The following HNF4G variants were observed in gnomAD, a reference collection of about 807,000 sequenced individuals.
HNF4G encodes hepatocyte nuclear factor 4-gamma.
A neutral mutation model predicts 50.9 loss-of-function variants in HNF4G; 21 were observed. The ratio of observed to expected loss-of-function variants is 0.41; its 90% CI spans 0.29 to 0.59. The LOEUF (loss-of-function observed/expected upper bound fraction) is 0.59, where lower values mean the gene tolerates loss of function less well. HNF4G is among the 20% of genes least tolerant of loss of function. HNF4G has a pLI of 0.26. For synonymous variants in HNF4G, 198 were observed against 185.6 expected, an observed-to-expected ratio of 1.07 and a Z score of -0.54; for missense variants, 527 against 559.4, an observed-to-expected ratio of 0.94 and a Z score of 0.58.
intron 5 of HNF4G, among the ~76,000 whole-genome samples, chr8:75,554,181 T>C (rs759473912): frequency 2.6e-5 from 4 of 152,150 alleles, no homozygotes; most frequent in Non-Finnish European, 5.9e-5. Context: ...ACCATAAAGA[T>C]AGCATGGCTC....
In HNF4G at chr8:75,526,822, A is replaced by C. The variant is rs367690267; in HGVS notation, c.-23-16989A>C. On this transcript the variant is annotated intron_variant, in intron 2 of 10. Coordinates refer to the HNF4G transcript ENST00000354370. ...CGTTCTGTCGCCCGGGCTAGAGTGC[A>C]GTGGCGTGATCTCGGCTCACTGCAA... 21 of 150,898 alleles carry C rather than the reference A, an allele frequency of 1.4e-4. 1 individual carries two copies. Among genetic ancestry groups the C allele is most frequent in the African/African-American group, 5.1e-4 (21 of 40,928 alleles). The allele number at this position is 150,898 out of a possible 1,614,324, so 9.3% of individuals were successfully genotyped here.
At chr8:75,443,168 G>A (rs1811328250) in intron 1 of HNF4G, among the ~76,000 whole-genome samples, 1 of 152,078 alleles carries the variant, frequency 6.6e-6, no homozygotes, top group African/African-American at 2.4e-5. Context: ...TATGAACCTA[G>A]ACTGGGCCTT....
intron 3 of HNF4G, among the ~76,000 whole-genome samples, chr8:75,550,181 T>C (rs757316909): frequency 3.9e-5 from 6 of 152,162 alleles, no homozygotes; most frequent in Admixed American, 3.3e-4. Flanking sequence ...GCAGAACAAA[T>C]TACAGCCTTA....
chr8:75,448,949 C>G (rs1811502623), intron 1 of HNF4G, among the ~76,000 whole-genome samples: 2 of 152,100 alleles, frequency 1.3e-5, no homozygotes, highest in Non-Finnish European at 2.9e-5. Flanking sequence ...GAAAATTTCT[C>G]AAACCTCATT....
At position 75,483,693 on chromosome 8, in the gene HNF4G, G is replaced by T. The variant is rs1272113854; in HGVS notation, c.-143-6396G>T. On this transcript the variant is annotated intron_variant, in intron 1 of 10. Transcript: ENST00000354370. Reference sequence around the variant, plus strand: ...CTGGACTTAGGTAAATGAAAGGTCCGCTCTCTTAAAACTGAGAGAAATTAT... The same window carrying T: ...CTGGACTTAGGTAAATGAAAGGTCCTCTCTCTTAAAACTGAGAGAAATTAT... Among the ~76,000 whole-genome samples the T allele has an allele frequency of 2.0e-5, 3 of 152,216 alleles. No individual in the cohort carries two copies. The South Asian group carries it at 6.2e-4, about 32-fold the overall frequency.
chr8:75,506,252 A>G (rs1813076528), intron 2 of HNF4G, among the ~76,000 whole-genome samples: 1 of 152,086 alleles, frequency 6.6e-6, no homozygotes, highest in Admixed American at 6.6e-5. Flanking sequence ...TTCTGTCAAA[A>G]AATGTAAAGC....
chr8:75,410,686 C>T (rs1054253202), intron 1 of HNF4G, among the ~76,000 whole-genome samples: 1 of 152,138 alleles, frequency 6.6e-6, no homozygotes, highest in Non-Finnish European at 1.5e-5. Flanking sequence ...AAGATTCACA[C>T]CCCTAGGGCA....
chr8:75,509,482 A>G (rs527983025), intron 2 of HNF4G, among the ~76,000 whole-genome samples: 2 of 152,194 alleles, frequency 1.3e-5, no homozygotes, highest in Admixed American at 6.5e-5. Flanking sequence ...GCATTATGGG[A>G]CACATGTATT....
chr8:75,525,318 G>A lies in HNF4G; in HGVS notation c.-23-18493G>A, dbSNP rs774483779. ...TGAGTAGCTGGGATTACAGGCACTC[G>A]CCACCATGCCCGGCTAATTTTTTGT... On this transcript the variant is annotated intron_variant, in intron 2 of 10. Coordinates refer to the HNF4G transcript ENST00000354370. Among the ~76,000 whole-genome samples the A allele has an allele frequency of 2.6e-5, 4 of 152,118 alleles. 1 individual carries two copies. The highest frequency in any genetic ancestry group is 4.2e-4 in the South Asian group (2 of 4,812).
intron 4 of HNF4G, among the ~76,000 whole-genome samples, chr8:75,551,783 G>C (rs1396884020): frequency 1.3e-5 from 2 of 152,236 alleles, no homozygotes; most frequent in South Asian, 4.1e-4. Context: ...ATAGCACAAA[G>C]CTCTGTAGGC....
chr8:75,517,752 GCAAGTCTAC>G (rs1233182071), intron 2 of HNF4G, among the ~76,000 whole-genome samples: 2 of 152,108 alleles, frequency 1.3e-5, no homozygotes, highest in Non-Finnish European at 2.9e-5. Flanking sequence ...GGTGCACAGT[GCAAGTCTAC>G]CATTCTGGGG....
chr8:75,430,075 C>T (rs368515333), intron 1 of HNF4G, among the ~76,000 whole-genome samples: 44 of 151,452 alleles, frequency 2.9e-4, no homozygotes, highest in East Asian at 7.8e-4. Flanking sequence ...CGTTTGAACC[C>T]GGGAGGCAGA....
chr8:75,448,921 G>C (rs1367510599), intron 1 of HNF4G, among the ~76,000 whole-genome samples: 2 of 151,992 alleles, frequency 1.3e-5, no homozygotes, highest in Non-Finnish European at 2.9e-5. Flanking sequence ...AAATGCAAAG[G>C]ACTTTGTGAA....
At position 75,461,928 on chromosome 8, in the gene HNF4G, A is replaced by ATT. The variant is rs1554571758; in HGVS notation, c.-143-28155_-143-28154dup. 1.0e-3 allele frequency among the ~76,000 whole-genome samples: 40 copies of ATT among 39,996 alleles called. 1 individual carries two copies. The highest frequency in any genetic ancestry group is 4.3e-3 in the Admixed American group (22 of 5,146). The allele number at this position is 39,996 out of a possible 152,430, so 26.2% of individuals were successfully genotyped here. A position where few individuals can be genotyped will look rare whatever the true frequency, so the allele number is the denominator to read the frequency against. ...TATAAATATATATATATATATATATATTTTTTTAGATGGAGTTTTGCTCTT... is the reference window on the plus strand; with the variant it reads ...TATAAATATATATATATATATATATATTTTTTTTTAGATGGAGTTTTGCTCTT... On this transcript the variant is annotated intron_variant, in intron 1 of 10. Transcript: ENST00000354370.
chr8:75,453,617 C>T (rs530494997), intron 1 of HNF4G, among the ~76,000 whole-genome samples: 1 of 151,102 alleles, frequency 6.6e-6, no homozygotes, highest in East Asian at 2.0e-4. Context: ...ATCTTTGGGT[C>T]CATGCCATCT....
At chr8:75,537,900 A>C (rs78325319), upstream of HNF4G, among the ~76,000 whole-genome samples, 2,289 of 152,242 alleles carry the variant, frequency 0.015, 24 homozygotes, top group Middle Eastern at 0.078. Flanking sequence ...TTTCTGTTTT[A>C]ATTATTTTAT....
At chr8:75,465,258 A>G (rs888920931) in intron 1 of HNF4G, among the ~76,000 whole-genome samples, 3 of 152,198 alleles carry the variant, frequency 2.0e-5, no homozygotes, top group African/African-American at 7.2e-5. Flanking sequence ...AATAATATAT[A>G]ATGCTCACAA....
chr8:75,423,441 C>T (rs2130495945), intron 1 of HNF4G, among the ~76,000 whole-genome samples: 1 of 149,216 alleles, frequency 6.7e-6, no homozygotes, highest in East Asian at 2.0e-4. Flanking sequence ...CCTCAACTTC[C>T]CGGGTTCAAG....
intron 1 of HNF4G, among the ~76,000 whole-genome samples, chr8:75,479,392 G>A (rs1424044847): frequency 6.6e-5 from 10 of 152,108 alleles, no homozygotes; most frequent in Non-Finnish European, 1.3e-4. Context: ...TCATCTTTAG[G>A]AGAAGACTGA....
Sources: allele counts gnomAD v4.1 joint callset (sites outside exome capture counted in the v4.1 genomes callset), GRCh38; gene constraint gnomAD v4.1.1; transcripts MANE v1.5; gene names NCBI Gene and HGNC (gene_info 2026-07-23, HGNC 2026-07-21).